The following MAP3K5 variants were observed in gnomAD, a reference collection of about 807,000 sequenced individuals.
MAP3K5 encodes mitogen-activated protein kinase kinase kinase 5, also known as ASK-1.
In MAP3K5, 56 loss-of-function variants were observed where a neutral mutation model predicts 158.7. That is an observed-to-expected ratio of 0.35 (90% CI 0.28 to 0.44). The LOEUF (loss-of-function observed/expected upper bound fraction) is 0.44. Ranked by LOEUF, MAP3K5 falls within the 20% of genes least tolerant of loss-of-function variation. The probability of loss-of-function intolerance (pLI) is 1.00; values close to 1 mark genes in which losing one functional copy is unlikely to be tolerated. For synonymous variants in MAP3K5, 579 were observed against 601.7 expected (o/e 0.96, Z 0.55); for missense variants, 1,294 against 1,674.8 (o/e 0.77, Z 3.97).
chr6:136,774,540 C>T (rs776923061), intron 1 of MAP3K5, among the ~76,000 whole-genome samples: 2 of 152,122 alleles, frequency 1.3e-5, no homozygotes, highest in South Asian at 2.1e-4. Context: ...GACTGTGAGC[C>T]GCTCCAGGAA....
intron 7 of MAP3K5, among the ~76,000 whole-genome samples, chr6:136,688,886 T>C (rs1780267471): frequency 6.6e-6 from 1 of 152,210 alleles, no homozygotes; most frequent in South Asian, 2.1e-4. Flanking sequence ...CTGGGCATAA[T>C]GCTTCTCAAA....
chr6:136,580,803 CTTATTA>C (rs1004037738), intron 24 of MAP3K5, among the ~76,000 whole-genome samples: 1 of 151,868 alleles, frequency 6.6e-6, no homozygotes, highest in African/African-American at 2.4e-5. Flanking sequence ...ATTACTTCTT[CTTATTA>C]TTATTATTAT....
chr6:136,773,783 G>A (rs1158140107), intron 1 of MAP3K5, among the ~76,000 whole-genome samples: 5 of 152,128 alleles, frequency 3.3e-5, no homozygotes, highest in African/African-American at 9.7e-5. Context: ...AAGTAACTGG[G>A]ACCACAGGCG....
At chr6:136,672,855 T>C (rs111741222) in intron 7 of MAP3K5, among the ~76,000 whole-genome samples, 3,129 of 151,342 alleles carry the variant, frequency 0.021, 51 homozygotes, top group Admixed American at 0.035. Context: ...CCAGGCATGG[T>C]GGTGTGTGCC....
chr6:136,681,914 G>A (rs922372024), intron 7 of MAP3K5, among the ~76,000 whole-genome samples: 17 of 151,960 alleles, frequency 1.1e-4, no homozygotes, highest in African/African-American at 3.9e-4. Context: ...GCAAGACTCT[G>A]TTTTAAAAAA....
intron 1 of MAP3K5, among the ~76,000 whole-genome samples, chr6:136,745,220 C>T (rs1782886629): frequency 6.8e-6 from 1 of 146,178 alleles, no homozygotes; most frequent in Non-Finnish European, 1.5e-5. Context: ...AGAAAAGTTC[C>T]TTTAAATTGA....
intron 1 of MAP3K5, among the ~76,000 whole-genome samples, chr6:136,720,912 TG>T (rs2114781188): frequency 6.6e-6 from 1 of 152,260 alleles, no homozygotes; most frequent in African/African-American, 2.4e-5. Context: ...CCCTAGTAAC[TG>T]GGACTACAGG....
At chr6:136,772,099 G>A (rs1466080848) in intron 1 of MAP3K5, among the ~76,000 whole-genome samples, 1 of 91,966 alleles carries the variant, frequency 1.1e-5, no homozygotes, top group Non-Finnish European at 2.1e-5. Flanking sequence ...TAGTAGAAAT[G>A]GGGGGGGGGG....
In MAP3K5 at chr6:136,605,366, C is replaced by G. The variant is rs943615299; in HGVS notation, c.2522G>C (p.Gly841Ala). Residue 841 changes from glycine to alanine, a missense_variant and splice_region_variant, in exon 19 of 30, where the codon GGT becomes GCT. By Grantham distance (60) the Gly-to-Ala change is moderately conservative (BLOSUM62 0). Coordinates refer to ENST00000359015, the MANE Select transcript of MAP3K5 (RefSeq NM_005923.4). ...GINPCTETFTGTLQYMAPEII... is the reference protein window; with the variant it reads ...GINPCTETFTATLQYMAPEII... ...TTCTGGTGCCATATACTGGAGGGTA[C>G]CTGGAAACAATTCAAACACATTTCC... The G allele has an allele frequency of 1.9e-6, 3 of 1,602,936 alleles. No individual in the cohort carries two copies. The highest frequency in any genetic ancestry group is 1.3e-5 in the African/African-American group (1 of 74,190).
At chr6:136,688,291 C>T (rs2114629458) in intron 7 of MAP3K5, among the ~76,000 whole-genome samples, 1 of 152,116 alleles carries the variant, frequency 6.6e-6, no homozygotes, top group East Asian at 1.9e-4. Flanking sequence ...CTAGGGGAGG[C>T]ATAGCATTAG....
intron 11 of MAP3K5, among the ~76,000 whole-genome samples, chr6:136,645,404 G>A (rs959170744): frequency 2.0e-5 from 3 of 152,112 alleles, no homozygotes; most frequent in Admixed American, 6.5e-5. Context: ...GTGGCCACTG[G>A]CTGGAGCTGA....
intron 7 of MAP3K5, among the ~76,000 whole-genome samples, chr6:136,685,990 G>T (rs1002606708): frequency 6.6e-6 from 1 of 152,150 alleles, no homozygotes; most frequent in Non-Finnish European, 1.5e-5. Flanking sequence ...GCACTACAGC[G>T]GAAACTGGAC....
At chr6:136,591,930 A>C (rs1362900365) in intron 23 of MAP3K5, among the ~76,000 whole-genome samples, 1 of 152,194 alleles carries the variant, frequency 6.6e-6, no homozygotes, top group African/African-American at 2.4e-5. Flanking sequence ...AATGTGAAAA[A>C]TTTGCTTCTG....
intron 2 of MAP3K5, among the ~76,000 whole-genome samples, chr6:136,709,608 C>A (rs981861315): frequency 6.6e-6 from 1 of 152,180 alleles, no homozygotes; most frequent in African/African-American, 2.4e-5. Flanking sequence ...TATAGAAAAG[C>A]AAATGGCCAC....
chr6:136,781,389 G>C (rs1331649993), intron 1 of MAP3K5, among the ~76,000 whole-genome samples: 1 of 152,206 alleles, frequency 6.6e-6, no homozygotes, highest in East Asian at 1.9e-4. Flanking sequence ...GAAGTTGTGT[G>C]ACTACTATGA....
At chr6:136,620,060 A>T (rs2129094910) in intron 15 of MAP3K5, among the ~76,000 whole-genome samples, 1 of 152,330 alleles carries the variant, frequency 6.6e-6, no homozygotes, top group Non-Finnish European at 1.5e-5. Context: ...ACTTGAGGGC[A>T]GGAGTTCGAG....
intron 1 of MAP3K5, among the ~76,000 whole-genome samples, chr6:136,725,185 A>G (rs1781914517): frequency 6.6e-6 from 1 of 152,228 alleles, no homozygotes; most frequent in Admixed American, 6.5e-5. Context: ...GTCTTTATAT[A>G]GACACATGCT....
intron 11 of MAP3K5, among the ~76,000 whole-genome samples, chr6:136,644,638 T>C (rs1469566614): frequency 3.3e-5 from 5 of 152,236 alleles, no homozygotes; most frequent in African/African-American, 1.2e-4. Context: ...CATTCCATCC[T>C]TCTCCTCTGC....
intron 14 of MAP3K5, among the ~76,000 whole-genome samples, chr6:136,628,429 G>C (rs1251425554): frequency 1.3e-5 from 2 of 151,742 alleles, no homozygotes; most frequent in Non-Finnish European, 2.9e-5. Flanking sequence ...TTTTTAAAGA[G>C]ATGGAGTCCT....
Sources: allele counts gnomAD v4.1 joint callset (sites outside exome capture counted in the v4.1 genomes callset), GRCh38; gene constraint gnomAD v4.1.1; transcripts MANE v1.5; gene names NCBI Gene and HGNC (gene_info 2026-07-23, HGNC 2026-07-21).